HNF1A: variants seen among roughly 807,000 people sequenced by gnomAD.
HNF1A encodes hepatocyte nuclear factor 1-alpha.
Under a neutral mutation model 62.2 loss-of-function variants are expected in HNF1A, and 21 were observed. The observed-to-expected ratio is 0.34, with a 90% confidence interval of 0.24 to 0.49. HNF1A has a LOEUF of 0.49. Ranked by LOEUF, HNF1A falls within the 20% of genes least tolerant of loss-of-function variation. The probability of loss-of-function intolerance (pLI) is 0.99; values close to 1 mark genes in which losing one functional copy is unlikely to be tolerated. For missense variants in HNF1A, 687 were observed against 832.3 expected (o/e 0.83, Z 2.15); for synonymous variants, 374 against 366.8 (o/e 1.02, Z -0.22).
rs371683540 is a variant in HNF1A, at chr12:121,001,289, C to A, written c.*97C>A. 2 of 1,461,146 alleles carry A rather than the reference C, an allele frequency of 1.4e-6. No individual in the cohort carries two copies. Among genetic ancestry groups the A allele is most frequent in the South Asian group, 1.2e-5 (1 of 83,818 alleles). 90.5% of individuals were successfully genotyped at this position (1,461,146 alleles called of 1,614,324 possible). On this transcript the variant is annotated 3_prime_UTR_variant, in exon 10 of 10. Coordinates refer to ENST00000257555, the MANE Select transcript of HNF1A (RefSeq NM_000545.8). ...GGAGGACCTGAGCCTGCCGAGCAACCGTGGCCCTTCCTGGACAGCTGTGCC... is the reference window on the plus strand; with the variant it reads ...GGAGGACCTGAGCCTGCCGAGCAACAGTGGCCCTTCCTGGACAGCTGTGCC...
At chr12:120,980,025 C>G (rs1279418342) in intron 1 of HNF1A, among the ~76,000 whole-genome samples, 1 of 152,058 alleles carries the variant, frequency 6.6e-6, no homozygotes, top group East Asian at 1.9e-4. Context: ...CCCAGCGGCT[C>G]CCTGACCTCC....
chr12:120,998,385 A>C (rs952749857), intron 7 of HNF1A: 1 of 156,090 alleles, frequency 6.4e-6, no homozygotes, highest in African/African-American at 2.4e-5. Flanking sequence ...AAGCACTGCT[A>C]TTTCTGCAGC....
At chr12:120,982,456 C>T (rs1184206582) in intron 1 of HNF1A, among the ~76,000 whole-genome samples, 3 of 138,478 alleles carry the variant, frequency 2.2e-5, no homozygotes, top group African/African-American at 8.4e-5. Flanking sequence ...GTAGCCACGG[C>T]AGGAGGGGGG....
intron 7 of HNF1A, chr12:120,998,169 A>T: frequency 3.9e-6 from 1 of 257,614 alleles, no homozygotes; most frequent in Non-Finnish European, 7.7e-6. Context: ...AGTCCCAGCT[A>T]CTTGGGAGGC....
chr12:120,988,047 A>ACCAT (rs1218672289), intron 1 of HNF1A, among the ~76,000 whole-genome samples: 1 of 134,380 alleles, frequency 7.4e-6, no homozygotes, highest in African/African-American at 2.8e-5. Context: ...CATTCATCCA[A>ACCAT]CCATCCATCC....
At chr12:120,992,926 G>A (rs940407892) in intron 2 of HNF1A, among the ~76,000 whole-genome samples, 2 of 152,312 alleles carry the variant, frequency 1.3e-5, no homozygotes, top group Non-Finnish European at 2.9e-5. Context: ...ATAAAGTGCT[G>A]TCCTAGCACT....
rs1877472882 is a variant in HNF1A at position 121,001,400 on chromosome 12, G to A, written c.*208G>A. Reference sequence around the variant, plus strand: ...GGAGGCTGCTCGGGGTGCACAGGAGGGGGTCGTGGAGAGCTAGGAGCAAAG... The same window carrying A: ...GGAGGCTGCTCGGGGTGCACAGGAGAGGGTCGTGGAGAGCTAGGAGCAAAG... On this transcript the variant is annotated 3_prime_UTR_variant, in exon 10 of 10. Coordinates refer to ENST00000257555, the MANE Select transcript of HNF1A (RefSeq NM_000545.8). 1.6e-6 allele frequency: 1 copy of A among 613,880 alleles called. No homozygotes were observed. Among genetic ancestry groups the A allele is most frequent in the Non-Finnish European group, 2.9e-6 (1 of 350,238 alleles). The allele number at this position is 613,880 out of a possible 1,614,324, so 38.0% of individuals were successfully genotyped here. A position where few individuals can be genotyped will look rare whatever the true frequency, so the allele number is the denominator to read the frequency against.
chr12:120,988,675 C>T lies in HNF1A; in HGVS notation c.327-158C>T, dbSNP rs1169292. On this transcript the variant is annotated intron_variant, in intron 1 of 9. Coordinates refer to ENST00000257555, the MANE Select transcript of HNF1A (RefSeq NM_000545.8). The stretch of plus-strand genomic sequence containing the variant: ...CCTGGCATAAATGACCATACCTCAC[C>T]GTCCCTGAGTCTATGTGTAGGCCCC... Among the ~76,000 whole-genome samples, 43,227 of 152,100 alleles carry T rather than the reference C, an allele frequency of 0.28. 6,921 individuals are homozygous for T. The highest frequency in any genetic ancestry group is 0.51 in the Middle Eastern group (149 of 294).
intron 2 of HNF1A, 65 bp downstream of exon 2, chr12:120,989,097 T>TG: frequency 6.6e-7 from 1 of 1,512,722 alleles, no homozygotes; most frequent in Non-Finnish European, 9.1e-7. Context: ...AACTCATAGG[T>TG]GGGGGCTGGA....
At chr12:120,998,564 T>C (rs1877235019) in intron 7 of HNF1A, among the ~76,000 whole-genome samples, 1 of 152,196 alleles carries the variant, frequency 6.6e-6, no homozygotes. Flanking sequence ...TGTGTATGTC[T>C]GTGTGTACAT....
chr12:120,997,089 T>G, intron 6 of HNF1A: 1 of 1,407,124 alleles, frequency 7.1e-7, no homozygotes, highest in Non-Finnish European at 9.3e-7. Flanking sequence ...AAAGCCCTTA[T>G]TTGCAGGTAC....
At position 120,990,644 on chromosome 12, in the gene HNF1A, GAGGAAAGGT is replaced by G. The variant is rs146054819; in HGVS notation, c.526+1621_526+1629del. 4.2e-3 allele frequency among the ~76,000 whole-genome samples: 424 copies of G among 100,050 alleles called. 7 individuals are homozygous for G. The highest frequency in any genetic ancestry group is 0.015 in the African/African-American group (357 of 24,286). 65.6% of individuals were successfully genotyped at this position (100,050 alleles called of 152,430 possible). A position where few individuals can be genotyped will look rare whatever the true frequency, so the allele number is the denominator to read the frequency against. Reference sequence around the variant, plus strand: ...GGAAAGGGAGGAAAGATAGGAAAGGGAGGAAAGGTAGGAAAGGGAGGAAAGGTAGGAAAG... The same window carrying G: ...GGAAAGGGAGGAAAGATAGGAAAGGGAGGAAAGGGAGGAAAGGTAGGAAAG... On this transcript the variant is annotated intron_variant, in intron 2 of 9. Coordinates refer to ENST00000257555, the MANE Select transcript of HNF1A (RefSeq NM_000545.8).
chr12:120,990,203 G>A (rs900012033), intron 2 of HNF1A, among the ~76,000 whole-genome samples: 2 of 151,938 alleles, frequency 1.3e-5, no homozygotes, highest in African/African-American at 4.8e-5. Context: ...GTGCAGTGGC[G>A]TGATCTCGGC....
rs1027113960 is a variant in HNF1A at position 120,997,292 on chromosome 12, G to C, written c.1310-182G>C. ...AAAGAGCTAAAGGCTCAGAGAGGGG[G>C]AATGACTTGCCAGAGCCACTTAAAT... On this transcript the variant is annotated intron_variant, in intron 6 of 9. Transcript: ENST00000257555. 1.9e-5 allele frequency: 27 copies of C among 1,401,922 alleles called. No homozygotes were observed. The African/African-American group carries it at 3.8e-4, about 20-fold the overall frequency. The allele number at this position is 1,401,922 out of a possible 1,614,324, so 86.8% of individuals were successfully genotyped here.
rs1412699584 is a variant in HNF1A at position 120,988,863 on chromosome 12, C to G, written c.357C>G (p.Val119=). Residue 119 remains valine, a synonymous_variant, in exon 2 of 10, where the codon GTC becomes GTG. Transcript: ENST00000257555. The part of the protein sequence containing the change: ...QEDPWRVAKM[V]KSYLQQHNIP... ...ACCCGTGGCGTGTGGCGAAGATGGT[C>G]AAGTCCTACCTGCAGCAGCACAACA... The G allele has an allele frequency of 2.5e-6, 4 of 1,614,236 alleles. No individual in the cohort carries two copies.
intron 2 of HNF1A, among the ~76,000 whole-genome samples, chr12:120,989,312 C>A (rs1042952666): frequency 4.6e-5 from 7 of 152,092 alleles, no homozygotes; most frequent in Non-Finnish European, 1.0e-4. Context: ...GGCTGGAGTT[C>A]AGTGGTGCGA....
chr12:120,980,372 G>C (rs899054041), intron 1 of HNF1A, among the ~76,000 whole-genome samples: 2 of 152,078 alleles, frequency 1.3e-5, no homozygotes, highest in South Asian at 2.1e-4. Flanking sequence ...CAGCTGGGGT[G>C]GGGGAGGGCT....
At chr12:120,995,831 A>G (rs1283671302) in intron 4 of HNF1A, among the ~76,000 whole-genome samples, 1 of 151,544 alleles carries the variant, frequency 6.6e-6, no homozygotes, top group African/African-American at 2.4e-5. Flanking sequence ...ATTCCACTCA[A>G]TTCCATCTAC....
chr12:120,988,676 G>A (rs931279928), intron 1 of HNF1A, among the ~76,000 whole-genome samples, 157 bp from the exon 2 acceptor site: 8 of 152,154 alleles, frequency 5.3e-5, no homozygotes, highest in Non-Finnish European at 8.8e-5. Flanking sequence ...ATACCTCACC[G>A]TCCCTGAGTC....
Sources: gnomAD v4.1 joint callset for allele counts (sites outside exome capture counted in the v4.1 genomes callset) on GRCh38, gnomAD v4.1.1 for gene constraint, MANE v1.5 for transcripts, NCBI Gene and HGNC (gene_info 2026-07-23, HGNC 2026-07-21) for gene names.